The following SNX1 variants were observed in gnomAD, a reference collection of about 807,000 sequenced individuals.
The protein encoded by SNX1 is sorting nexin-1.
In SNX1, 36 loss-of-function variants were observed where a neutral mutation model predicts 71.8. The observed-to-expected ratio is 0.50, with a 90% CI of 0.38 to 0.66. The LOEUF is 0.66. Among genes scored for constraint, SNX1 ranks in the 30% least tolerant of loss-of-function variants. The pLI, the probability that SNX1 is intolerant of heterozygous loss-of-function variation, is 0.00. For missense variants in SNX1, 612 were observed against 646.7 expected (o/e 0.95, Z 0.58); for synonymous variants, 254 against 240.7 (o/e 1.06, Z -0.51).
chr15:64,138,322 T>TA lies in SNX1; in HGVS notation c.*704_*705insA. The TA allele has an allele frequency of 4.1e-6, 3 of 730,772 alleles. No homozygotes were observed. Among genetic ancestry groups the TA allele is most frequent in the African/African-American group, 2.2e-5 (1 of 45,874 alleles). 45.3% of individuals were successfully genotyped at this position (730,772 alleles called of 1,614,324 possible). A position where few individuals can be genotyped will look rare whatever the true frequency, so the allele number is the denominator to read the frequency against. ...GCAAAGGAGGCAGAGACTTTCTCTC[T>TA]CTCTTTTTTTTTTTTTTTTGGTGTC... On this transcript the variant is annotated 3_prime_UTR_variant, in exon 15 of 15. Coordinates refer to ENST00000559844, the MANE Select transcript of SNX1 (RefSeq NM_003099.5).
At position 64,138,492 on chromosome 15, in the gene SNX1, CTG is replaced by C; in HGVS notation, c.*879_*880del. 1 of 293,612 alleles carries C rather than the reference CTG, an allele frequency of 3.4e-6. No homozygotes were observed. The highest frequency in any genetic ancestry group is 6.7e-5 in the South Asian group (1 of 14,920). The allele number at this position is 293,612 out of a possible 1,614,324, so 18.2% of individuals were successfully genotyped here. A position where few individuals can be genotyped will look rare whatever the true frequency, so the allele number is the denominator to read the frequency against. On this transcript the variant is annotated 3_prime_UTR_variant, in exon 15 of 15. Coordinates refer to ENST00000559844, the MANE Select transcript of SNX1 (RefSeq NM_003099.5). ...CCCATCAAAACACATCCTCAGTAGA[CTG>C]TGTGAAGGTGTGAAGGTCTGATAAT...
chr15:64,104,562 T>C (rs2080998830), intron 1 of SNX1, among the ~76,000 whole-genome samples: 1 of 148,852 alleles, frequency 6.7e-6, no homozygotes, highest in Non-Finnish European at 1.5e-5. Context: ...CGTGAGCCAC[T>C]GCGCCCGGCC....
At position 64,142,693 on chromosome 15, in the gene SNX1, C is replaced by T. The variant is rs1387283948; in HGVS notation, c.*5075C>T. On this transcript the variant is annotated 3_prime_UTR_variant, in exon 15 of 15. Coordinates refer to ENST00000559844, the MANE Select transcript of SNX1 (RefSeq NM_003099.5). ...ATAAAAGGTATGGAACCTGCTTTCC[C>T]CTTGGCTAGTTCAGCGTTTGGGCTC... 1.8e-5 allele frequency: 8 copies of T among 455,842 alleles called. No homozygotes were observed. The highest frequency in any genetic ancestry group is 3.5e-5 in the Non-Finnish European group (8 of 226,772). 28.2% of individuals were successfully genotyped at this position (455,842 alleles called of 1,614,324 possible).
chr15:64,100,537 G>C (rs375570183), intron 1 of SNX1, among the ~76,000 whole-genome samples: 51 of 150,736 alleles, frequency 3.4e-4, no homozygotes, highest in African/African-American at 1.2e-3. Flanking sequence ...CCTGGGAGTT[G>C]GAGGTTGCAG....
intron 1 of SNX1, among the ~76,000 whole-genome samples, chr15:64,100,890 C>A (rs1261886797): frequency 6.6e-6 from 1 of 152,218 alleles, no homozygotes; most frequent in Non-Finnish European, 1.5e-5. Context: ...ACTGCAGCCT[C>A]TACCTCTTGA....
chr15:64,099,511 G>T (rs1401947369), intron 1 of SNX1, among the ~76,000 whole-genome samples: 15 of 152,270 alleles, frequency 9.9e-5, no homozygotes, highest in African/African-American at 2.2e-4. Flanking sequence ...TATTAGCCTG[G>T]CATGGTGGCA....
At chr15:64,123,435 C>G in intron 4 of SNX1, 68 bp from the exon 5 acceptor site, 1 of 1,359,260 alleles carries the variant, frequency 7.4e-7, no homozygotes. Context: ...GATTCCTGGT[C>G]AAATGTTAGC....
rs762409802 is a variant in SNX1 at position 64,118,167 on chromosome 15, G to T, written c.322G>T (p.Val108Leu). 5 of 1,613,020 alleles carry T rather than the reference G, an allele frequency of 3.1e-6. No homozygotes were observed. Among genetic ancestry groups the T allele is most frequent in the Non-Finnish European group, 3.4e-6 (4 of 1,179,810 alleles). Residue 108 changes from valine (V) to leucine (L), a missense_variant, in exon 3 of 15, where the codon GTG becomes TTG. Physicochemically the swap from Val to Leu is conservative, Grantham distance 32. Transcript: ENST00000559844. ...CAGCACACAAAATAATCAGAAGAAGGTGCTAGCCAAAACACTCATTTCTCT... is the reference window on the plus strand; with the variant it reads ...CAGCACACAAAATAATCAGAAGAAGTTGCTAGCCAAAACACTCATTTCTCT... ...LDSTQNNQKK[V>L]LAKTLISLPP... is the part of the protein sequence containing the mutation.
chr15:64,127,656 C>T, intron 7 of SNX1, 75 bp from the exon 8 acceptor site: 2 of 1,046,814 alleles, frequency 1.9e-6, no homozygotes, highest in Admixed American at 3.6e-5. Flanking sequence ...CATGGTATCA[C>T]TGCCAGCACT....
chr15:64,137,876 G>T lies in SNX1; in HGVS notation c.*258G>T. ...GGTGGTGGAATTATGGGATGGGGTG[G>T]AGTATTGATATAAATATATAAATAC... On this transcript the variant is annotated 3_prime_UTR_variant, in exon 15 of 15. Coordinates refer to ENST00000559844, the MANE Select transcript of SNX1 (RefSeq NM_003099.5). 1 of 1,405,226 alleles carries T rather than the reference G, an allele frequency of 7.1e-7. No homozygotes were observed. The highest frequency in any genetic ancestry group is 9.2e-7 in the Non-Finnish European group (1 of 1,083,518). 87.0% of individuals were successfully genotyped at this position (1,405,226 alleles called of 1,614,324 possible).
chr15:64,100,306 AAT>A (rs759395737), intron 1 of SNX1, among the ~76,000 whole-genome samples: 20 of 152,182 alleles, frequency 1.3e-4, no homozygotes, highest in Non-Finnish European at 2.6e-4. Context: ...CAGTTACTTA[AAT>A]GGGAGAGAAT....
intron 1 of SNX1, among the ~76,000 whole-genome samples, chr15:64,096,394 G>C (rs949623059): frequency 2.6e-5 from 4 of 152,152 alleles, no homozygotes; most frequent in Non-Finnish European, 5.9e-5. Flanking sequence ...TGCCTTCGTC[G>C]GCTAGCTCCC....
chr15:64,118,655 T>C (rs1486037375), intron 3 of SNX1, 133 bp from the exon 4 acceptor site: 2 of 646,412 alleles, frequency 3.1e-6, no homozygotes, highest in East Asian at 6.0e-5. Flanking sequence ...ATTGGGATTG[T>C]TGGGAATGGA....
chr15:64,128,683 T>C (rs954973127), intron 8 of SNX1, among the ~76,000 whole-genome samples: 1 of 152,216 alleles, frequency 6.6e-6, no homozygotes, highest in African/African-American at 2.4e-5. Context: ...AGTCTTTTCT[T>C]GTGGATATTC....
At chr15:64,098,590 T>G (rs1453653473) in intron 1 of SNX1, among the ~76,000 whole-genome samples, 1 of 150,100 alleles carries the variant, frequency 6.7e-6, no homozygotes, top group Non-Finnish European at 1.5e-5. Context: ...CTAGGGAGGC[T>G]GAGGCACAAG....
chr15:64,129,417 A>C lies in SNX1; in HGVS notation c.808-499A>C, dbSNP rs1206182771. On this transcript the variant is annotated intron_variant, in intron 8 of 14. Transcript: ENST00000559844. This position sits in a 1 kb window ranked among gnomAD's most constrained non-coding sequence, Gnocchi z 4.4. ...TGTTTCTGAATATTTGGCATGCTTG[A>C]CTACTAGGTTATCCCTGAAAGTAGC... Among the ~76,000 whole-genome samples the C allele has an allele frequency of 2.0e-5, 3 of 152,202 alleles. No homozygotes were observed. Among genetic ancestry groups the C allele is most frequent in the Non-Finnish European group, 4.4e-5 (3 of 68,022 alleles).
chr15:64,097,570 C>T (rs1311187560), intron 1 of SNX1, among the ~76,000 whole-genome samples: 1 of 152,116 alleles, frequency 6.6e-6, no homozygotes, highest in Non-Finnish European at 1.5e-5. Context: ...TATTCTCCTG[C>T]CTCAGTAATA....
At chr15:64,104,783 G>A (rs1311625481) in intron 1 of SNX1, among the ~76,000 whole-genome samples, 3 of 151,684 alleles carry the variant, frequency 2.0e-5, no homozygotes, top group South Asian at 4.2e-4. Context: ...TACTTGGGAC[G>A]CTGAGACAGG....
At chr15:64,117,027 T>C (rs1002470173) in intron 2 of SNX1, among the ~76,000 whole-genome samples, 2 of 152,192 alleles carry the variant, frequency 1.3e-5, no homozygotes. Context: ...TACAAGGAGA[T>C]CTAAACCATT....
Sources: gnomAD v4.1 joint callset for allele counts (sites outside exome capture counted in the v4.1 genomes callset) on GRCh38, gnomAD v4.1.1 for gene constraint, Gnocchi (gnomAD v3.1) non-coding constraint, MANE v1.5 for transcripts, NCBI Gene and HGNC (gene_info 2026-07-23, HGNC 2026-07-21) for gene names.